Variants in RGS20 observed in about 807,000 individuals in gnomAD.
RGS20 encodes the protein regulator of G protein signaling 20, also known as gz-selective GTPase-activating protein.
A neutral mutation model predicts 33.6 loss-of-function variants in RGS20; 30 were observed. The observed-to-expected ratio is 0.89, with a 90% CI of 0.67 to 1.21. RGS20 has a LOEUF of 1.21. Ranked by LOEUF, RGS20 falls within the 50% of genes most tolerant of loss-of-function variation. The probability of loss-of-function intolerance (pLI) is 0.00; values close to 1 mark genes in which losing one functional copy is unlikely to be tolerated. For missense variants in RGS20, 472 were observed against 502.4 expected (o/e 0.94, Z 0.58); for synonymous variants, 208 against 197.9 (o/e 1.05, Z -0.43).
At chr8:53,927,543 G>A (rs1206191898) in intron 2 of RGS20, among the ~76,000 whole-genome samples, 2 of 152,108 alleles carry the variant, frequency 1.3e-5, no homozygotes, top group Non-Finnish European at 1.5e-5. Flanking sequence ...GTTAGCATAT[G>A]AGGATGCTAA....
At chr8:53,885,790 CTTTTTTTTTT>C (rs1172257852) in intron 2 of RGS20, among the ~76,000 whole-genome samples, 3 of 112,744 alleles carry the variant, frequency 2.7e-5, no homozygotes, top group African/African-American at 1.0e-4. Flanking sequence ...GTATCTTACT[CTTTTTTTTTT>C]TTTTTTTTTT....
intron 3 of RGS20, among the ~76,000 whole-genome samples, chr8:53,940,243 CACAG>C (rs1452463710): frequency 4.6e-5 from 7 of 152,224 alleles, no homozygotes; most frequent in East Asian, 3.9e-4. Context: ...GAGGAAGACA[CACAG>C]ACAGTCATTG....
chr8:53,938,502 T>G (rs1360786135), intron 2 of RGS20, among the ~76,000 whole-genome samples: 2 of 151,956 alleles, frequency 1.3e-5, no homozygotes, highest in African/African-American at 4.8e-5. Flanking sequence ...TAACAAACCT[T>G]CAGGTTTTGC....
chr8:53,868,164 T>C (rs1381312507), intron 1 of RGS20, among the ~76,000 whole-genome samples: 1 of 152,144 alleles, frequency 6.6e-6, no homozygotes, highest in Non-Finnish European at 1.5e-5. Flanking sequence ...CTTGGAAATA[T>C]GGGATTAGTA....
chr8:53,926,317 C>A (rs887391685), intron 2 of RGS20, among the ~76,000 whole-genome samples: 2 of 152,186 alleles, frequency 1.3e-5, no homozygotes, highest in Admixed American at 6.5e-5. Context: ...CCTAAACTAT[C>A]CCCTGATGGT....
At chr8:53,958,130 T>C in intron 5 of RGS20, 140 bp from the exon 5 acceptor site, 1 of 591,370 alleles carries the variant, frequency 1.7e-6, no homozygotes, top group Non-Finnish European at 2.8e-6. Context: ...AGTAAGACTC[T>C]GTCTCAAAAC....
intron 2 of RGS20, among the ~76,000 whole-genome samples, chr8:53,910,374 A>G (rs1813317910): frequency 1.3e-5 from 2 of 152,168 alleles, no homozygotes; most frequent in African/African-American, 2.4e-5. Flanking sequence ...GGGAAATGCA[A>G]ATTAAACCCA....
intron 1 of RGS20, among the ~76,000 whole-genome samples, chr8:53,854,557 GA>G (rs953533417): frequency 1.3e-5 from 2 of 151,400 alleles, no homozygotes; most frequent in Admixed American, 1.3e-4. Context: ...AGCTAAAATG[GA>G]AAAAAATAGT....
intron 2 of RGS20, among the ~76,000 whole-genome samples, chr8:53,929,064 T>G (rs1443431071): frequency 6.6e-6 from 1 of 152,152 alleles, no homozygotes; most frequent in African/African-American, 2.4e-5. Context: ...TGTTGTATGG[T>G]TCCCTTTATA....
At chr8:53,888,188 G>A (rs1263802468) in intron 2 of RGS20, among the ~76,000 whole-genome samples, 2 of 152,144 alleles carry the variant, frequency 1.3e-5, no homozygotes, top group African/African-American at 2.4e-5. Flanking sequence ...TACATACAGA[G>A]TTTAATTCTT....
At chr8:53,953,307 G>A (rs770552994) in intron 4 of RGS20, among the ~76,000 whole-genome samples, 14 of 152,196 alleles carry the variant, frequency 9.2e-5, no homozygotes, top group Non-Finnish European at 1.8e-4. Flanking sequence ...GATCGCTTGA[G>A]CCCAAGAGTT....
chr8:53,863,051 C>T (rs575629455), intron 1 of RGS20, among the ~76,000 whole-genome samples: 1 of 152,222 alleles, frequency 6.6e-6, no homozygotes, highest in South Asian at 2.1e-4. Flanking sequence ...TACAATGGCA[C>T]GATCTCGGCT....
chr8:53,929,509 A>C (rs981205553), intron 2 of RGS20, among the ~76,000 whole-genome samples: 6 of 152,132 alleles, frequency 3.9e-5, no homozygotes, highest in African/African-American at 1.4e-4. Context: ...CTCTACTAAA[A>C]ATACAAAAAT....
chr8:53,924,436 C>A (rs1037565394), intron 2 of RGS20, among the ~76,000 whole-genome samples: 1 of 152,032 alleles, frequency 6.6e-6, no homozygotes, highest in Non-Finnish European at 1.5e-5. Context: ...GATCTACCCC[C>A]CTTGGCCTCC....
At chr8:53,947,846 A>ATG (rs1166765361) in intron 4 of RGS20, among the ~76,000 whole-genome samples, 16 of 138,116 alleles carry the variant, frequency 1.2e-4, no homozygotes, top group African/African-American at 3.9e-4. Flanking sequence ...TATATATAGG[A>ATG]TATAGTATAT....
At chr8:53,952,275 T>G (rs1585963488) in intron 4 of RGS20, among the ~76,000 whole-genome samples, 1 of 102,616 alleles carries the variant, frequency 9.7e-6, no homozygotes, top group Non-Finnish European at 1.9e-5. Context: ...TGAGACAGAG[T>G]ATTGCAGAGG....
intron 2 of RGS20, among the ~76,000 whole-genome samples, chr8:53,901,718 A>G (rs778140176): frequency 7.9e-5 from 12 of 152,170 alleles, no homozygotes; most frequent in Non-Finnish European, 1.6e-4. Context: ...CAGAGCTGGC[A>G]CGCACCTGTA....
intron 2 of RGS20, among the ~76,000 whole-genome samples, chr8:53,896,779 G>A (rs1025129760): frequency 6.6e-6 from 1 of 152,152 alleles, no homozygotes; most frequent in Admixed American, 6.6e-5. Context: ...CAATTAACAA[G>A]CCCCAAAAGG....
chr8:53,918,248 C>T lies in RGS20; in HGVS notation c.511-21328C>T, dbSNP rs75927039. 3.7e-3 allele frequency among the ~76,000 whole-genome samples: 556 copies of T among 152,238 alleles called. 6 individuals are homozygous for T. Among genetic ancestry groups the T allele is most frequent in the African/African-American group, 0.012 (512 of 41,538 alleles). On this transcript the variant is annotated intron_variant, in intron 2 of 5. Coordinates refer to ENST00000297313, the MANE Select transcript of RGS20 (RefSeq NM_170587.4). ...ACTAGCAGTCACTCATTCCCCTTAC[C>T]CCATCCCCTGGCAACCACTAATTTA...
Sources: allele counts gnomAD v4.1 joint callset (sites outside exome capture counted in the v4.1 genomes callset), GRCh38; gene constraint gnomAD v4.1.1; transcripts MANE v1.5; gene names NCBI Gene and HGNC (gene_info 2026-07-23, HGNC 2026-07-21).